PRKD1: variants seen among roughly 807,000 people sequenced by gnomAD.
The protein encoded by PRKD1 is protein kinase D1.
Under a neutral mutation model 95.9 loss-of-function variants are expected in PRKD1, and 63 were observed. The ratio of observed to expected loss-of-function variants is 0.66; its 90% CI spans 0.54 to 0.81. The LOEUF (loss-of-function observed/expected upper bound fraction) is 0.81. Among genes scored for constraint, PRKD1 ranks in the 30% least tolerant of loss-of-function variants. The probability of loss-of-function intolerance (pLI) is 0.00; values close to 1 mark genes in which losing one functional copy is unlikely to be tolerated. For synonymous variants in PRKD1, 425 were observed against 423.1 expected, an observed-to-expected ratio of 1.00 and a Z score of -0.05; for missense variants, 1,048 against 1,165.3, an observed-to-expected ratio of 0.90 and a Z score of 1.47.
intron 1 of PRKD1, among the ~76,000 whole-genome samples, chr14:29,776,857 T>C (rs1298759791): frequency 6.6e-6 from 1 of 151,674 alleles, no homozygotes; most frequent in Admixed American, 6.6e-5. Flanking sequence ...TTCACCAAAG[T>C]TGAAATGAAG....
Position 29,826,722 on chromosome 14 carries a change from CATAT to C in PRKD1, c.264+100523_264+100526del, listed in dbSNP as rs1214723122. 3.0e-5 allele frequency among the ~76,000 whole-genome samples: 2 copies of C among 67,146 alleles called. 1 individual carries two copies. Among genetic ancestry groups the C allele is most frequent in the Non-Finnish European group, 5.6e-5 (2 of 35,426 alleles). 44.1% of individuals were successfully genotyped at this position (67,146 alleles called of 152,430 possible). On this transcript the variant is annotated intron_variant, in intron 1 of 17. Coordinates refer to ENST00000331968, the MANE Select transcript of PRKD1 (RefSeq NM_002742.3). ...ATACATATATACACATATATATATA[CATAT>C]ATATACACATATATATACACATATA...
chr14:29,722,376 G>A (rs1191983259), intron 2 of PRKD1, among the ~76,000 whole-genome samples: 4 of 152,090 alleles, frequency 2.6e-5, no homozygotes, highest in African/African-American at 7.2e-5. Context: ...GCTATCACTC[G>A]CCTTGCCACA....
intron 2 of PRKD1, among the ~76,000 whole-genome samples, chr14:29,679,991 G>T (rs1883448802): frequency 6.6e-6 from 1 of 152,086 alleles, no homozygotes; most frequent in African/African-American, 2.4e-5. Context: ...AGACAAATGT[G>T]GGAAGTGAGG....
chr14:29,918,648 A>G (rs1894977367), intron 1 of PRKD1, among the ~76,000 whole-genome samples: 1 of 152,164 alleles, frequency 6.6e-6, no homozygotes, highest in Admixed American at 6.5e-5. Flanking sequence ...AATCTCTCTG[A>G]CTGTACAAGA....
chr14:29,908,852 G>A (rs943490437), intron 1 of PRKD1, among the ~76,000 whole-genome samples: 8 of 152,244 alleles, frequency 5.3e-5, no homozygotes, highest in Non-Finnish European at 1.0e-4. Context: ...GGCAGCCCTC[G>A]CTCATTCTGG....
chr14:29,704,018 T>G (rs910597072), intron 2 of PRKD1, among the ~76,000 whole-genome samples: 1 of 152,182 alleles, frequency 6.6e-6, no homozygotes, highest in Non-Finnish European at 1.5e-5. Context: ...AGATCTTATA[T>G]TTGAATATCC....
chr14:29,919,086 T>C (rs1316133303), intron 1 of PRKD1, among the ~76,000 whole-genome samples: 2 of 152,220 alleles, frequency 1.3e-5, no homozygotes, highest in African/African-American at 4.8e-5. Context: ...TCCTCATCAA[T>C]CAGTGGTTTA....
chr14:29,795,648 T>C (rs574202640), intron 1 of PRKD1, among the ~76,000 whole-genome samples: 10 of 152,194 alleles, frequency 6.6e-5, no homozygotes, highest in African/African-American at 1.4e-4. Context: ...TGTAGCAAAA[T>C]TGACCAACTA....
chr14:29,901,322 C>A (rs1894309856), intron 1 of PRKD1, among the ~76,000 whole-genome samples: 1 of 152,164 alleles, frequency 6.6e-6, no homozygotes, highest in African/African-American at 2.4e-5. Flanking sequence ...GAACAATGGA[C>A]ACTGGGACTA....
At chr14:29,618,907 G>C (rs1158764060) in intron 13 of PRKD1, among the ~76,000 whole-genome samples, 1 of 152,162 alleles carries the variant, frequency 6.6e-6, no homozygotes, top group African/African-American at 2.4e-5. Flanking sequence ...TGAGGACCTA[G>C]CAGAGCTGAC....
chr14:29,699,487 A>C (rs544481502), intron 2 of PRKD1, among the ~76,000 whole-genome samples: 10 of 152,134 alleles, frequency 6.6e-5, no homozygotes, highest in African/African-American at 2.4e-4. Flanking sequence ...GACCTTTGCA[A>C]ATTTTTCCTT....
At position 29,632,964 on chromosome 14, in the gene PRKD1, T is replaced by G. The variant is rs773739257; in HGVS notation, c.1315-18A>C. Reference sequence around the variant, plus strand: ...CGTTTCCGCTGAAACAGAAGTTAGATCCAAGATCTTTTTAAAAAACTTTAA... The same window carrying G: ...CGTTTCCGCTGAAACAGAAGTTAGAGCCAAGATCTTTTTAAAAAACTTTAA... On this transcript the variant is annotated intron_variant, in intron 8 of 17. Transcript: ENST00000331968. 6.4e-5 allele frequency: 102 copies of G among 1,600,174 alleles called. No individual in the cohort carries two copies. Among genetic ancestry groups the G allele is most frequent in the Non-Finnish European group, 8.2e-5 (96 of 1,167,778 alleles).
intron 1 of PRKD1, among the ~76,000 whole-genome samples, chr14:29,746,537 C>CAA (rs1216645672): frequency 6.6e-6 from 1 of 151,910 alleles, no homozygotes; most frequent in African/African-American, 2.4e-5. Context: ...TATATACACA[C>CAA]ACACACACAC....
chr14:29,912,703 C>T (rs1894759744), intron 1 of PRKD1, among the ~76,000 whole-genome samples: 1 of 152,194 alleles, frequency 6.6e-6, no homozygotes, highest in African/African-American at 2.4e-5. Context: ...TAATCAAAGA[C>T]ATCTGTATAT....
chr14:29,908,122 T>C lies in PRKD1; in HGVS notation c.264+19127A>G, dbSNP rs1233023160. On this transcript the variant is annotated intron_variant, in intron 1 of 17. Coordinates refer to ENST00000331968, the MANE Select transcript of PRKD1 (RefSeq NM_002742.3). ...TCTTGTACTTACATCATCTTGATCT[T>C]TCTGTGTAAAGACAAAGCAAAAAAA... 2.0e-5 allele frequency among the ~76,000 whole-genome samples: 3 copies of C among 151,408 alleles called. No homozygotes were observed. In the East Asian group the frequency reaches 5.8e-4, roughly 29 times the overall value.
At chr14:29,796,148 T>C (rs1326900982) in intron 1 of PRKD1, among the ~76,000 whole-genome samples, 1 of 152,156 alleles carries the variant, frequency 6.6e-6, no homozygotes, top group Non-Finnish European at 1.5e-5. Context: ...ATTACTTTGT[T>C]AGGTATATAA....
At chr14:29,793,308 C>A (rs776879084) in intron 1 of PRKD1, among the ~76,000 whole-genome samples, 1 of 151,590 alleles carries the variant, frequency 6.6e-6, no homozygotes, top group Admixed American at 6.6e-5. Flanking sequence ...CAGGAAAAAA[C>A]AAAAAGAGCA....
intron 16 of PRKD1, among the ~76,000 whole-genome samples, chr14:29,588,076 G>A (rs2138976762): frequency 6.6e-6 from 1 of 152,232 alleles, no homozygotes; most frequent in South Asian, 2.1e-4. Flanking sequence ...CAGGCTCGCT[G>A]GATCTGCAAG....
chr14:29,815,852 TTTCTTTATTAGCTTAAGACA>T (rs1890664847), intron 1 of PRKD1, among the ~76,000 whole-genome samples: 1 of 152,194 alleles, frequency 6.6e-6, no homozygotes, highest in Non-Finnish European at 1.5e-5. Context: ...ATAATACTCA[TTTCTTTATTAGCTTAAGACA>T]TTCTTGCTAC....
Sources: gnomAD v4.1 joint callset for allele counts (sites outside exome capture counted in the v4.1 genomes callset) on GRCh38, gnomAD v4.1.1 for gene constraint, MANE v1.5 for transcripts, NCBI Gene and HGNC (gene_info 2026-07-23, HGNC 2026-07-21) for gene names.